The following SLC26A9 variants were observed in gnomAD, a reference collection of about 807,000 sequenced individuals.
The protein encoded by SLC26A9 is solute carrier family 26 member 9.
SLC26A9 carries 46 observed loss-of-function variants against 87.1 expected under a neutral mutation model. That is an observed-to-expected ratio of 0.53 (90% CI 0.42 to 0.67). SLC26A9 has a LOEUF of 0.67. Ranked by LOEUF, SLC26A9 falls within the 30% of genes least tolerant of loss-of-function variation. The probability of loss-of-function intolerance (pLI) is 0.00; values close to 1 mark genes in which losing one functional copy is unlikely to be tolerated. For synonymous variants in SLC26A9, 437 were observed against 409.1 expected, an observed-to-expected ratio of 1.07 and a Z score of -0.82; for missense variants, 927 against 1,018.3, an observed-to-expected ratio of 0.91 and a Z score of 1.22.
At chr1:205,932,660 G>T (rs3811423) in intron 4 of SLC26A9, 42 bp downstream of exon 4, 436,985 of 1,474,678 alleles carry the variant, frequency 0.3, 72,617 homozygotes, top group East Asian at 0.67. Flanking sequence ...CCCATCCTTG[G>T]GGTCTGGGTC....
intron 13 of SLC26A9, 89 bp downstream of exon 13, chr1:205,924,294 G>A (rs1658974437): frequency 7.9e-7 from 1 of 1,265,824 alleles, no homozygotes; most frequent in African/African-American, 1.5e-5. Flanking sequence ...AAGGTACAGT[G>A]GACTAAGCCA....
chr1:205,940,446 C>A (rs1335344124), intron 1 of SLC26A9, among the ~76,000 whole-genome samples: 2 of 152,146 alleles, frequency 1.3e-5, no homozygotes, highest in East Asian at 3.9e-4. Context: ...AGAGACAGTG[C>A]CCGAGTGGAT....
chr1:205,937,826 C>A (rs563137513), intron 1 of SLC26A9, among the ~76,000 whole-genome samples: 1 of 151,980 alleles, frequency 6.6e-6, no homozygotes, highest in Non-Finnish European at 1.5e-5. Context: ...GAGCTGCAGA[C>A]CTTGCTTCAG....
chr1:205,920,058 G>A, intron 18 of SLC26A9, 118 bp downstream of exon 18: 1 of 1,124,412 alleles, frequency 8.9e-7, no homozygotes. Flanking sequence ...GCAGCAGCTT[G>A]TGGGGGATAG....
rs7514511 is a variant in SLC26A9 at position 205,929,140 on chromosome 1, G to A, written c.870+64C>T. 10,634 of 1,575,342 alleles carry A rather than the reference G, an allele frequency of 6.8e-3. 564 individuals are homozygous for A. In the African/African-American group the frequency reaches 0.12, roughly 18 times the overall value. ...CAGTTGAGGGGATGGGGTGAGGAAAGGTAGGGGCTTCCTCGTCTCACAGCC... is the reference window on the plus strand; with the variant it reads ...CAGTTGAGGGGATGGGGTGAGGAAAAGTAGGGGCTTCCTCGTCTCACAGCC... On this transcript the variant is annotated intron_variant, in intron 7 of 20. Coordinates refer to ENST00000367135, the MANE Select transcript of SLC26A9 (RefSeq NM_052934.4).
chr1:205,926,776 C>T (rs1354761268), intron 11 of SLC26A9, 146 bp from the exon 12 acceptor site: 1 of 702,246 alleles, frequency 1.4e-6, no homozygotes, highest in Non-Finnish European at 2.5e-6. Flanking sequence ...CTGCATTCGA[C>T]CTTAGGTTTG....
At position 205,922,624 on chromosome 1, in the gene SLC26A9, T is replaced by C. The variant is rs142313116; in HGVS notation, c.1773+458A>G. The stretch of plus-strand genomic sequence containing the variant: ...CATCCAAGAAGAAAAATGCCCAGGC[T>C]GGGCGCAGTGGCTCAGGCTTGTAAT... On this transcript the variant is annotated intron_variant, in intron 16 of 20. Transcript: ENST00000367135. Among the ~76,000 whole-genome samples the C allele has an allele frequency of 1.8e-3, 268 of 152,314 alleles. 3 individuals carry two copies. Among genetic ancestry groups the C allele is most frequent in the African/African-American group, 6.3e-3 (261 of 41,574 alleles).
At chr1:205,921,521 G>C in intron 17 of SLC26A9, 45 bp downstream of exon 17, 1 of 1,579,738 alleles carries the variant, frequency 6.3e-7, no homozygotes, top group Non-Finnish European at 8.6e-7. Flanking sequence ...AGAGCAGAGC[G>C]GAGGGGGTGG....
At chr1:205,926,900 G>A (rs554391088) in intron 11 of SLC26A9, among the ~76,000 whole-genome samples, 47 of 152,294 alleles carry the variant, frequency 3.1e-4, no homozygotes, top group African/African-American at 1.0e-3. Flanking sequence ...GGCTATATAA[G>A]AGCCTGGTAC....
In SLC26A9 at chr1:205,927,967, C is replaced by T. The variant is rs762926935; in HGVS notation, c.1036G>A (p.Val346Ile). Residue 346 changes from valine (V) to isoleucine (I), a missense_variant, in exon 9 of 21, where the codon GTC (valine) becomes ATC (isoleucine). By Grantham distance (29) the Val-to-Ile change is conservative. Coordinates refer to ENST00000367135, the MANE Select transcript of SLC26A9 (RefSeq NM_052934.4). ...GTCCGGCCCATAGCCAGGTTGATGA[C>T]GTAGCTCACGATGGCTAGGGAGAAG... ...TAFSLAIVSY[V>I]INLAMGRTLA... The T allele has an allele frequency of 5.4e-5, 87 of 1,614,042 alleles. No homozygotes were observed. Among genetic ancestry groups the T allele is most frequent in the Non-Finnish European group, 7.2e-5 (85 of 1,180,034 alleles).
At chr1:205,924,518 C>T (rs1445096223) in intron 12 of SLC26A9, 29 bp from the exon 13 acceptor site, 1 of 1,608,094 alleles carries the variant, frequency 6.2e-7, no homozygotes, top group Admixed American at 1.7e-5. Flanking sequence ...CAAAAGCAGA[C>T]CTGGGGAAAA....
intron 20 of SLC26A9, 144 bp downstream of exon 20, chr1:205,917,139 A>G (rs556780164): frequency 1.5e-6 from 1 of 645,176 alleles, no homozygotes; most frequent in East Asian, 2.7e-5. Flanking sequence ...AAAAACAAAG[A>G]TGACCACAAA....
rs1658926717 is a variant in SLC26A9 at position 205,923,392 on chromosome 1, G to A, written c.1602C>T (p.Tyr534=). Residue 534 remains tyrosine (Y), a synonymous_variant, in exon 15 of 21, where the codon TAC becomes TAT. Coordinates refer to ENST00000367135, the MANE Select transcript of SLC26A9 (RefSeq NM_052934.4). Reference sequence around the variant, plus strand: ...AGTTGGCAAAGTAGAGAGGGGAGCAGTACGTGATGATTTTAATCCCCTGGA... The same window carrying A: ...AGTTGGCAAAGTAGAGAGGGGAGCAATACGTGATGATTTTAATCCCCTGGA... ...QDIQGIKIIT[Y]CSPLYFANSE... is the part of the protein sequence containing the mutation. 1.9e-6 allele frequency: 3 copies of A among 1,614,220 alleles called. No homozygotes were observed. The highest frequency in any genetic ancestry group is 2.2e-5 in the East Asian group (1 of 44,890).
At position 205,929,374 on chromosome 1, in the gene SLC26A9, A is replaced by G. The variant is rs373265947; in HGVS notation, c.718-18T>C. On this transcript the variant is annotated intron_variant, in intron 6 of 20. Transcript: ENST00000367135. ...ATGAAGGTCTGGGGGAAAGAGCATC[A>G]TGCTCACAGGCTCCCACCCCTTCTT... 3.3e-5 allele frequency: 53 copies of G among 1,612,222 alleles called. No individual in the cohort carries two copies. The highest frequency in any genetic ancestry group is 4.0e-5 in the Non-Finnish European group (47 of 1,178,772).
chr1:205,932,313 G>A (rs1659339138), intron 4 of SLC26A9, among the ~76,000 whole-genome samples: 1 of 152,220 alleles, frequency 6.6e-6, no homozygotes, highest in Non-Finnish European at 1.5e-5. Flanking sequence ...ACCAGCCCTT[G>A]TGACCAGGCT....
At chr1:205,925,585 C>G (rs1659032774) in intron 12 of SLC26A9, among the ~76,000 whole-genome samples, 1 of 152,166 alleles carries the variant, frequency 6.6e-6, no homozygotes, top group Admixed American at 6.5e-5. Context: ...TGGGTGACCA[C>G]AGATGAGCCA....
intron 1 of SLC26A9, 95 bp from the exon 2 acceptor site, chr1:205,935,933 T>C: frequency 7.1e-7 from 1 of 1,406,092 alleles, no homozygotes; most frequent in Non-Finnish European, 9.4e-7. Context: ...AGCAGAGTTT[T>C]ATTCTGGCCT....
rs34803033 is a variant in SLC26A9 at position 205,927,519 on chromosome 1, A to G, written c.1188T>C (p.Ala396=). ...VICCALSVTL[A]VDGAGGKSQV... ...GGGATTTTCCTCCAGCTCCATCCAC[A>G]GCCAGAGTGACAGAAAGCGCACAGC... is the stretch of plus-strand genomic sequence containing the variant. Residue 396 remains alanine (A), a synonymous_variant, in exon 10 of 21, where the codon GCT becomes GCC. Transcript: ENST00000367135. 0.074 allele frequency: 119,096 copies of G among 1,613,938 alleles called. 5,066 individuals are homozygous for G. Among genetic ancestry groups the G allele is most frequent in the African/African-American group, 0.17 (12,939 of 74,980 alleles).
At position 205,924,394 on chromosome 1, in the gene SLC26A9, G is replaced by A. The variant is rs1446348809; in HGVS notation, c.1485C>T (p.Phe495=). The A allele has an allele frequency of 5.0e-6, 8 of 1,614,022 alleles. No homozygotes were observed. Among genetic ancestry groups the A allele is most frequent in the Non-Finnish European group, 5.9e-6 (7 of 1,180,014 alleles). ...AAGCTATCACTTACAACTGAGTCTG[G>A]AAGACCACGACCAGGACGGAGAAGG... ...GVAFSVLVVV[F]QTQFRNGYAL... The change falls in exon 13 of 21, where the codon TTC becomes TTT. Residue 495 remains phenylalanine, a synonymous_variant. Coordinates refer to ENST00000367135, the MANE Select transcript of SLC26A9 (RefSeq NM_052934.4).
Sources: allele counts gnomAD v4.1 joint callset (sites outside exome capture counted in the v4.1 genomes callset), GRCh38; gene constraint gnomAD v4.1.1; transcripts MANE v1.5; gene names NCBI Gene and HGNC (gene_info 2026-07-23, HGNC 2026-07-21).